The following CNDP1 variants were observed in gnomAD, a reference collection of about 807,000 sequenced individuals.
CNDP1 encodes the protein beta-Ala-His dipeptidase.
A neutral mutation model predicts 58.1 loss-of-function variants in CNDP1; 44 were observed. The ratio of observed to expected loss-of-function variants is 0.76; its 90% confidence interval spans 0.60 to 0.97. The LOEUF (loss-of-function observed/expected upper bound fraction) is 0.97, where lower values mean the gene tolerates loss of function less well. Among genes scored for constraint, CNDP1 ranks in the 50% least tolerant of loss-of-function variants. CNDP1 has a pLI of 0.00. For missense variants in CNDP1, 616 were observed against 655.1 expected (o/e 0.94, Z 0.65); for synonymous variants, 254 against 252.6 (o/e 1.01, Z -0.05).
intron 7 of CNDP1, among the ~76,000 whole-genome samples, chr18:74,571,741 G>A (rs567929126): frequency 1.3e-4 from 20 of 152,348 alleles, no homozygotes; most frequent in African/African-American, 4.3e-4. Context: ...CACACCAGGT[G>A]AGGCCCTTCA....
intron 5 of CNDP1, among the ~76,000 whole-genome samples, chr18:74,566,437 T>C (rs1310128730): frequency 6.6e-6 from 1 of 152,226 alleles, no homozygotes; most frequent in Non-Finnish European, 1.5e-5. Context: ...CTGAATCCCT[T>C]TAACAGTACC....
At chr18:74,555,146 G>A (rs1442063969) in intron 1 of CNDP1, among the ~76,000 whole-genome samples, 1 of 152,148 alleles carries the variant, frequency 6.6e-6, no homozygotes, top group Non-Finnish European at 1.5e-5. Flanking sequence ...ATTTGATAAC[G>A]TAAAACATCT....
chr18:74,581,230 G>GTGTA (rs1186046267), intron 10 of CNDP1, among the ~76,000 whole-genome samples: 62 of 129,176 alleles, frequency 4.8e-4, no homozygotes, highest in African/African-American at 1.7e-3. Context: ...GTGTGTGTGT[G>GTGTA]TGTGTGTGTG....
intron 2 of CNDP1, among the ~76,000 whole-genome samples, chr18:74,558,266 G>T (rs981758930): frequency 9.9e-5 from 15 of 152,154 alleles, no homozygotes; most frequent in African/African-American, 3.6e-4. Context: ...GCATGTGAGT[G>T]GTTCTTATCA....
At chr18:74,569,552 C>T (rs1981416950) in intron 6 of CNDP1, among the ~76,000 whole-genome samples, 1 of 152,118 alleles carries the variant, frequency 6.6e-6, no homozygotes, top group Non-Finnish European at 1.5e-5. Flanking sequence ...CAGGGATGAA[C>T]ATTGAAGGGC....
Position 74,541,289 on chromosome 18 carries a change from C to T in CNDP1, c.24+6598C>T, listed in dbSNP as rs958330941. Among the ~76,000 whole-genome samples the T allele has an allele frequency of 6.6e-5, 10 of 152,196 alleles. 1 individual carries two copies. The highest frequency in any genetic ancestry group is 4.8e-5 in the African/African-American group (2 of 41,444). ...GAGCTGCCAGGAAAGGCACAGTGAT[C>T]GGATCCTCCCCTGAGCGTGCACTGT... On this transcript the variant is annotated intron_variant, in intron 1 of 11. Transcript: ENST00000358821.
Position 74,559,599 on chromosome 18 carries a change from A to G in CNDP1, c.303+127A>G, listed in dbSNP as rs574464185. The G allele has an allele frequency of 3.1e-4, 249 of 809,448 alleles. 5 individuals carry two copies. The South Asian group carries it at 4.6e-3, about 15-fold the overall frequency. The allele number at this position is 809,448 out of a possible 1,614,324, so 50.1% of individuals were successfully genotyped here. On this transcript the variant is annotated intron_variant, in intron 3 of 11. Transcript: ENST00000358821. ...CAACCCCCCATAACCCCAATTCCCAATGAAGATGAAACATTCCCCTGGTCT... is the reference window on the plus strand; with the variant it reads ...CAACCCCCCATAACCCCAATTCCCAGTGAAGATGAAACATTCCCCTGGTCT...
At chr18:74,557,038 C>T (rs1335172108) in intron 2 of CNDP1, among the ~76,000 whole-genome samples, 1 of 152,062 alleles carries the variant, frequency 6.6e-6, no homozygotes, top group Non-Finnish European at 1.5e-5. Flanking sequence ...GCCTCAGCCT[C>T]CCAAGTAGCT....
rs1980724346 is a variant in CNDP1, at chr18:74,545,054, A to G, written c.24+10363A>G. On this transcript the variant is annotated intron_variant, in intron 1 of 11. Transcript: ENST00000358821. The surrounding 1 kb of genome is among the most constrained non-coding windows in gnomAD (Gnocchi z 4.1). The stretch of plus-strand genomic sequence containing the variant: ...AACACCAGAAGCTGGAGGGGCAGGA[A>G]GGACCCTCCCCTAGAGCCTGCAGAC... 6.6e-6 allele frequency among the ~76,000 whole-genome samples: 1 copy of G among 152,158 alleles called. No individual in the cohort carries two copies. The highest frequency in any genetic ancestry group is 1.5e-5 in the Non-Finnish European group (1 of 68,010).
chr18:74,543,717 G>T (rs1048654473), intron 1 of CNDP1, among the ~76,000 whole-genome samples: 1 of 152,064 alleles, frequency 6.6e-6, no homozygotes, highest in African/African-American at 2.4e-5. Flanking sequence ...AAGAAAAAAA[G>T]GGAAAAACTA....
intron 7 of CNDP1, among the ~76,000 whole-genome samples, chr18:74,571,883 C>T (rs573501245): frequency 4.3e-4 from 66 of 152,210 alleles, no homozygotes; most frequent in African/African-American, 1.4e-3. Flanking sequence ...ACCACCTGTA[C>T]GACCTTGGTA....
intron 1 of CNDP1, among the ~76,000 whole-genome samples, chr18:74,548,972 G>T (rs1980831095): frequency 6.6e-6 from 1 of 152,190 alleles, no homozygotes; most frequent in Non-Finnish European, 1.5e-5. Context: ...TGACCTGGCT[G>T]CTTCTAACAA....
chr18:74,583,635 C>A lies in CNDP1; in HGVS notation c.1384C>A (p.His462Asn), dbSNP rs750921758. 1 of 1,614,114 alleles carries A rather than the reference C, an allele frequency of 6.2e-7. No individual in the cohort carries two copies. The highest frequency in any genetic ancestry group is 1.1e-5 in the South Asian group (1 of 91,086). The change falls in exon 11 of 12, where the codon CAC (histidine) becomes AAC (asparagine). Residue 462 changes from histidine (H) to asparagine (N), a missense_variant. Physicochemically the swap from His to Asn is moderately conservative, Grantham distance 68. Transcript: ENST00000358821. ...TGCCAAAATGTTCCAGGAGATCGTC[C>A]ACAAGAGCGTGGTGCTAATTCCGCT... The part of the protein sequence containing the change: ...PIAKMFQEIV[H>N]KSVVLIPLGA...
chr18:74,546,953 A>G (rs1980775255), intron 1 of CNDP1, among the ~76,000 whole-genome samples: 1 of 152,194 alleles, frequency 6.6e-6, no homozygotes, highest in African/African-American at 2.4e-5. Context: ...GGAGGGACTC[A>G]CAGTTCTTGA....
chr18:74,537,736 T>TGGGTGGTA (rs1249663968), intron 1 of CNDP1, among the ~76,000 whole-genome samples: 1 of 152,120 alleles, frequency 6.6e-6, no homozygotes, highest in East Asian at 1.9e-4. Flanking sequence ...GCCCAGTCAC[T>TGGGTGGTA]CCGGGCAAAG....
chr18:74,581,306 C>A (rs879864459), intron 10 of CNDP1, among the ~76,000 whole-genome samples: 8 of 151,690 alleles, frequency 5.3e-5, no homozygotes, highest in Non-Finnish European at 8.8e-5. Flanking sequence ...GACACAAGGT[C>A]TCCCCTGAGA....
chr18:74,548,498 C>A (rs1162701576), intron 1 of CNDP1, among the ~76,000 whole-genome samples: 1 of 152,112 alleles, frequency 6.6e-6, no homozygotes, highest in African/African-American at 2.4e-5. Flanking sequence ...GAACCATGAG[C>A]CAATTACACC....
intron 7 of CNDP1, among the ~76,000 whole-genome samples, chr18:74,574,473 A>G (rs1383345191): frequency 6.6e-6 from 1 of 152,256 alleles, no homozygotes; most frequent in East Asian, 1.9e-4. Flanking sequence ...GGGCATTTTT[A>G]TAAGCAGCAA....
At chr18:74,566,233 G>A (rs78919137) in intron 5 of CNDP1, among the ~76,000 whole-genome samples, 1 of 152,232 alleles carries the variant, frequency 6.6e-6, no homozygotes, top group Admixed American at 6.5e-5. Flanking sequence ...GATGGGTGGG[G>A]CTGCCGTGAA....
Sources: gnomAD v4.1 joint callset for allele counts (sites outside exome capture counted in the v4.1 genomes callset) on GRCh38, gnomAD v4.1.1 for gene constraint, Gnocchi (gnomAD v3.1) non-coding constraint, MANE v1.5 for transcripts, NCBI Gene and HGNC (gene_info 2026-07-23, HGNC 2026-07-21) for gene names.